The following MCC variants were observed in gnomAD, a reference collection of about 807,000 sequenced individuals.
The protein encoded by MCC is MCC regulator of Wnt signaling pathway, also known as colorectal mutant cancer protein.
In MCC, 90 loss-of-function variants were observed where a neutral mutation model predicts 116.2. That is an observed-to-expected ratio of 0.77 (90% confidence interval 0.65 to 0.92). The LOEUF (loss-of-function observed/expected upper bound fraction) is 0.92. Among genes scored for constraint, MCC ranks in the 40% least tolerant of loss-of-function variants. The pLI is 0.00. For missense variants in MCC, 1,516 were observed against 1,312.2 expected, an observed-to-expected ratio of 1.16 and a Z score of -2.40; for synonymous variants, 578 against 510.5, an observed-to-expected ratio of 1.13 and a Z score of -1.78.
At chr5:113,327,561 A>AAAAAAAATATATATATATATAT (rs1480996383) in intron 3 of MCC, among the ~76,000 whole-genome samples, 1 of 80,562 alleles carries the variant, frequency 1.2e-5, no homozygotes, top group Non-Finnish European at 2.5e-5. Flanking sequence ...AAAAAAAAAA[A>AAAAAAAATATATATATATATAT]ATATATATAT....
chr5:113,217,216 C>A (rs1219882492), intron 3 of MCC, among the ~76,000 whole-genome samples: 4 of 152,202 alleles, frequency 2.6e-5, no homozygotes, highest in Non-Finnish European at 5.9e-5. Context: ...GCTTCTCTCT[C>A]TCTCTCCCAT....
At chr5:113,066,587 C>T (rs1308039205) in intron 13 of MCC, among the ~76,000 whole-genome samples, 2 of 152,226 alleles carry the variant, frequency 1.3e-5, no homozygotes, top group Admixed American at 1.3e-4. Flanking sequence ...AATTAACACC[C>T]AGGATACCTT....
chr5:113,330,815 A>G (rs961828344), intron 3 of MCC, among the ~76,000 whole-genome samples: 1 of 152,210 alleles, frequency 6.6e-6, no homozygotes, highest in African/African-American at 2.4e-5. Flanking sequence ...TAGGAAACAG[A>G]ATAAAACATG....
rs34111159 is a variant in MCC, at chr5:113,456,623, A to ATTTTTT, written c.170+31616_170+31621dup. On this transcript the variant is annotated intron_variant, in intron 1 of 18. Transcript: ENST00000408903. ...AGTCACCCGCCACCATGCCCAGCTAATTTTTTTTTTTTTTTTTTTTTTTTT... is the reference window on the plus strand; with the variant it reads ...AGTCACCCGCCACCATGCCCAGCTAATTTTTTTTTTTTTTTTTTTTTTTTTTTTTTT... 3.6e-3 allele frequency among the ~76,000 whole-genome samples: 182 copies of ATTTTTT among 51,072 alleles called. 34 individuals are homozygous for ATTTTTT. The highest frequency in any genetic ancestry group is 0.011 in the African/African-American group (142 of 13,236). 33.5% of individuals were successfully genotyped at this position (51,072 alleles called of 152,430 possible).
At chr5:113,196,289 G>A (rs990079850) in intron 3 of MCC, among the ~76,000 whole-genome samples, 27 of 152,326 alleles carry the variant, frequency 1.8e-4, no homozygotes, top group Admixed American at 1.4e-3. Context: ...CTCATGACCT[G>A]GGTCACAGTC....
chr5:113,217,035 A>C (rs927358758), intron 3 of MCC, among the ~76,000 whole-genome samples: 1 of 152,240 alleles, frequency 6.6e-6, no homozygotes, highest in African/African-American at 2.4e-5. Flanking sequence ...GTACACTGAC[A>C]ATGAACATGG....
At chr5:113,294,178 C>T (rs1766621571) in intron 3 of MCC, 1 of 956,142 alleles carries the variant, frequency 1.0e-6, no homozygotes, top group Non-Finnish European at 1.6e-6. Flanking sequence ...AAAACAAGAT[C>T]CAGAAAATCT....
chr5:113,261,151 G>A (rs1361844063), intron 3 of MCC, among the ~76,000 whole-genome samples: 9 of 152,132 alleles, frequency 5.9e-5, no homozygotes, highest in Admixed American at 3.3e-4. Flanking sequence ...CTTGCTAAAC[G>A]TAATAGCTTG....
intron 1 of MCC, among the ~76,000 whole-genome samples, chr5:113,446,533 A>G (rs1005621779): frequency 6.6e-6 from 1 of 152,234 alleles, no homozygotes; most frequent in African/African-American, 2.4e-5. Flanking sequence ...TGCAAATCAA[A>G]ACCACAATGA....
intron 1 of MCC, among the ~76,000 whole-genome samples, chr5:113,404,374 G>C (rs908878467): frequency 2.0e-5 from 3 of 152,182 alleles, no homozygotes; most frequent in Non-Finnish European, 4.4e-5. Context: ...AAAGAATACA[G>C]TGGCCAGGAT....
chr5:113,455,951 C>G (rs575517570), intron 1 of MCC, among the ~76,000 whole-genome samples: 8 of 152,222 alleles, frequency 5.3e-5, no homozygotes, highest in African/African-American at 1.9e-4. Context: ...AATAAACTGA[C>G]CAAGATCATA....
intron 1 of MCC, among the ~76,000 whole-genome samples, chr5:113,398,865 A>G (rs1769603254): frequency 6.6e-6 from 1 of 152,198 alleles, no homozygotes; most frequent in African/African-American, 2.4e-5. Flanking sequence ...AACCTATTTC[A>G]ATTTATTTTG....
At chr5:113,124,757 CA>C (rs1415756716) in intron 5 of MCC, among the ~76,000 whole-genome samples, 8 of 152,198 alleles carry the variant, frequency 5.3e-5, no homozygotes, top group Admixed American at 4.6e-4. Flanking sequence ...TTCTGTGTCA[CA>C]AAATGCAAAC....
chr5:113,300,346 AC>A (rs755498618), intron 3 of MCC, among the ~76,000 whole-genome samples: 2 of 152,138 alleles, frequency 1.3e-5, no homozygotes, highest in Non-Finnish European at 2.9e-5. Context: ...CCACAAGAGT[AC>A]CCAAACTCTA....
chr5:113,484,225 C>T (rs960190500), intron 1 of MCC, among the ~76,000 whole-genome samples: 3 of 151,992 alleles, frequency 2.0e-5, no homozygotes, highest in East Asian at 1.9e-4. Flanking sequence ...CAAACCCCCA[C>T]GACACAAGTT....
intron 3 of MCC, among the ~76,000 whole-genome samples, chr5:113,218,172 A>G (rs1474076751): frequency 2.0e-5 from 3 of 151,594 alleles, no homozygotes; most frequent in African/African-American, 7.3e-5. Context: ...AGCTTCTCTT[A>G]CTCACGAGCA....
At chr5:113,428,850 C>T (rs1292413109) in intron 1 of MCC, 8 of 152,152 alleles carry the variant, frequency 5.3e-5, no homozygotes, top group African/African-American at 1.7e-4. Context: ...GTCCAAAAGA[C>T]ATTAAATAAA....
chr5:113,077,454 G>T (rs1184736362), intron 11 of MCC, among the ~76,000 whole-genome samples: 1 of 152,194 alleles, frequency 6.6e-6, no homozygotes, highest in African/African-American at 2.4e-5. Context: ...ATAACAAACT[G>T]TCTCTCAGAA....
At chr5:113,378,913 CAAAGA>C (rs936389767) in intron 2 of MCC, among the ~76,000 whole-genome samples, 1 of 152,134 alleles carries the variant, frequency 6.6e-6, no homozygotes, top group African/African-American at 2.4e-5. Context: ...TTCCCAATCA[CAAAGA>C]AAAGCACACT....
Sources: allele counts gnomAD v4.1 joint callset (sites outside exome capture counted in the v4.1 genomes callset), GRCh38; gene constraint gnomAD v4.1.1; transcripts MANE v1.5; gene names NCBI Gene and HGNC (gene_info 2026-07-23, HGNC 2026-07-21).